Variants in NAA35 observed in about 807,000 individuals in gnomAD.
NAA35 encodes N-alpha-acetyltransferase 35, NatC auxiliary subunit, also known as MAK10 homolog, amino-acid N-acetyltransferase subunit.
In NAA35, 18 loss-of-function variants were observed where a neutral mutation model predicts 101.7. The observed-to-expected ratio is 0.18, with a 90% CI of 0.12 to 0.26. The LOEUF (loss-of-function observed/expected upper bound fraction) is 0.26, where lower values mean the gene tolerates loss of function less well. Ranked by LOEUF, NAA35 falls within the 10% of genes least tolerant of loss-of-function variation. NAA35 has a pLI of 1.00. For synonymous variants in NAA35, 267 were observed against 273.1 expected, an observed-to-expected ratio of 0.98 and a Z score of 0.22; for missense variants, 601 against 886.8, an observed-to-expected ratio of 0.68 and a Z score of 4.09.
At chr9:86,001,949 C>T (rs1265445729) in intron 12 of NAA35, among the ~76,000 whole-genome samples, 1 of 152,060 alleles carries the variant, frequency 6.6e-6, no homozygotes, top group South Asian at 2.1e-4. Context: ...TTTGTGGTTG[C>T]TTTATAGTGA....
At chr9:85,955,354 A>C (rs1274684261) in intron 2 of NAA35, among the ~76,000 whole-genome samples, 3 of 59,112 alleles carry the variant, frequency 5.1e-5, no homozygotes, top group African/African-American at 2.8e-4. Context: ...ATATATATAT[A>C]TATATATTTT....
intron 1 of NAA35, 163 bp from the exon 2 acceptor site, chr9:85,941,992 G>A: frequency 1.6e-6 from 2 of 1,270,772 alleles, no homozygotes; most frequent in Non-Finnish European, 2.1e-6. Context: ...CGATTTGATT[G>A]CATTAAGGTT....
chr9:85,998,395 T>A (rs1430222987), intron 12 of NAA35, among the ~76,000 whole-genome samples: 1 of 152,200 alleles, frequency 6.6e-6, no homozygotes, highest in Non-Finnish European at 1.5e-5. Flanking sequence ...TACAGTTTTT[T>A]AAATTTCATA....
chr9:85,998,381 A>G (rs563903782), intron 12 of NAA35, among the ~76,000 whole-genome samples: 34 of 152,244 alleles, frequency 2.2e-4, no homozygotes, highest in Admixed American at 1.9e-3. Context: ...TTTTAAGCAT[A>G]TATTACAGTT....
chr9:85,950,126 A>G (rs190931965), intron 2 of NAA35, among the ~76,000 whole-genome samples: 50 of 152,348 alleles, frequency 3.3e-4, no homozygotes, highest in African/African-American at 1.1e-3. Flanking sequence ...CTATAGGGCT[A>G]TACAAGATCA....
rs1832720505 is a variant in NAA35, at chr9:86,024,954, G to A, written c.*2994G>A. 6.6e-6 allele frequency among the ~76,000 whole-genome samples: 1 copy of A among 152,034 alleles called. No homozygotes were observed. ...TAGGTCCCAAGGAATAGACTTGGGA[G>A]GGCCAGGGAATGGGGAGGCCACTGA... is the stretch of plus-strand genomic sequence containing the variant. On this transcript the variant is annotated 3_prime_UTR_variant, in exon 23 of 23. Coordinates refer to ENST00000361671, the MANE Select transcript of NAA35 (RefSeq NM_024635.4).
chr9:86,024,707 T>A lies in NAA35; in HGVS notation c.*2747T>A, dbSNP rs1228248347. The stretch of plus-strand genomic sequence containing the variant: ...GCAACTAGACGATGGTGGTGCCACT[T>A]GTGTAGATATCTAGGCAAGGTAGGA... On this transcript the variant is annotated 3_prime_UTR_variant, in exon 23 of 23. Coordinates refer to ENST00000361671, the MANE Select transcript of NAA35 (RefSeq NM_024635.4). Among the ~76,000 whole-genome samples the A allele has an allele frequency of 6.6e-6, 1 of 152,144 alleles. No individual in the cohort carries two copies. Among genetic ancestry groups the A allele is most frequent in the Non-Finnish European group, 1.5e-5 (1 of 68,026 alleles).
intron 17 of NAA35, among the ~76,000 whole-genome samples, chr9:86,015,224 A>G (rs990897749): frequency 6.6e-6 from 1 of 152,220 alleles, no homozygotes; most frequent in African/African-American, 2.4e-5. Flanking sequence ...TGAGACGCAG[A>G]TAAATACTCC....
chr9:85,979,110 G>A (rs1232180451), intron 11 of NAA35, among the ~76,000 whole-genome samples: 1 of 152,156 alleles, frequency 6.6e-6, no homozygotes, highest in Non-Finnish European at 1.5e-5. Context: ...AATAGCACTT[G>A]AACATAAATT....
intron 17 of NAA35, among the ~76,000 whole-genome samples, chr9:86,016,269 T>C (rs569375672): frequency 1.1e-4 from 16 of 152,316 alleles, no homozygotes; most frequent in African/African-American, 3.6e-4. Flanking sequence ...AACTGAACTG[T>C]GTTCTGATAT....
At chr9:86,000,933 T>C (rs1831395614) in intron 12 of NAA35, among the ~76,000 whole-genome samples, 1 of 152,156 alleles carries the variant, frequency 6.6e-6, no homozygotes. Flanking sequence ...TCTGCTAGCT[T>C]GGAGATTTTT....
At chr9:85,988,849 C>T (rs1830772772) in intron 11 of NAA35, among the ~76,000 whole-genome samples, 1 of 150,638 alleles carries the variant, frequency 6.6e-6, no homozygotes, top group Non-Finnish European at 1.5e-5. Context: ...CTAAGCGAAG[C>T]AGAAGTGAGC....
intron 13 of NAA35, among the ~76,000 whole-genome samples, chr9:86,007,125 C>T (rs1020990170): frequency 9.2e-5 from 14 of 152,136 alleles, no homozygotes; most frequent in African/African-American, 3.4e-4. Flanking sequence ...TTTAATATTA[C>T]TACTCTTGGG....
chr9:85,982,949 A>G (rs1830493069), intron 11 of NAA35, among the ~76,000 whole-genome samples: 1 of 152,216 alleles, frequency 6.6e-6, no homozygotes, highest in Non-Finnish European at 1.5e-5. Context: ...CCCAGTTTAT[A>G]CAGTGGATCT....
chr9:86,010,050 AG>A, intron 15 of NAA35, 119 bp downstream of exon 15: 1 of 738,228 alleles, frequency 1.4e-6, no homozygotes, highest in Non-Finnish European at 2.4e-6. Flanking sequence ...CAGGAGTTTG[AG>A]ACCAGCCTGG....
chr9:85,994,637 A>T (rs1831077783), intron 11 of NAA35, among the ~76,000 whole-genome samples: 1 of 152,194 alleles, frequency 6.6e-6, no homozygotes, highest in African/African-American at 2.4e-5. Flanking sequence ...CTCTTGACTA[A>T]TACATTTCCA....
intron 11 of NAA35, among the ~76,000 whole-genome samples, chr9:85,980,108 T>C (rs1830372283): frequency 6.6e-6 from 1 of 152,192 alleles, no homozygotes; most frequent in African/African-American, 2.4e-5. Context: ...GTGGAGGCTA[T>C]AGGATGTGAA....
rs556728143 is a variant in NAA35, at chr9:85,949,544, C to T, written c.125-6816C>T. The stretch of plus-strand genomic sequence containing the variant: ...TCCTGACCTTGTGATCCACCCACCT[C>T]GGCCTCCCAAAGTGCTGGGATTACA... On this transcript the variant is annotated intron_variant, in intron 2 of 22. Coordinates refer to ENST00000361671, the MANE Select transcript of NAA35 (RefSeq NM_024635.4). Among the ~76,000 whole-genome samples, 9 of 152,200 alleles carry T rather than the reference C, an allele frequency of 5.9e-5. 1 individual carries two copies. In the South Asian group the frequency reaches 1.0e-3, roughly 18 times the overall value.
At chr9:85,945,750 A>G (rs1383619061) in intron 2 of NAA35, among the ~76,000 whole-genome samples, 2 of 150,582 alleles carry the variant, frequency 1.3e-5, no homozygotes, top group Non-Finnish European at 3.0e-5. Context: ...CGATCTCCTG[A>G]CCTCGTGATC....
Sources: allele counts gnomAD v4.1 joint callset (sites outside exome capture counted in the v4.1 genomes callset), GRCh38; gene constraint gnomAD v4.1.1; transcripts MANE v1.5; gene names NCBI Gene and HGNC (gene_info 2026-07-23, HGNC 2026-07-21).